The following EHBP1 variants were observed in gnomAD, a reference collection of about 807,000 sequenced individuals.
EHBP1 encodes EH domain-binding protein 1.
EHBP1 carries 55 observed loss-of-function variants against 144.0 expected under a neutral mutation model. The observed-to-expected ratio is 0.38, with a 90% CI of 0.31 to 0.48. EHBP1 has a LOEUF of 0.48. EHBP1 is among the 20% of genes least tolerant of loss of function. The pLI, the probability that EHBP1 is intolerant of heterozygous loss-of-function variation, is 0.98. For missense variants in EHBP1, 1,200 were observed against 1,364.2 expected (o/e 0.88, Z 1.90); for synonymous variants, 469 against 472.7 (o/e 0.99, Z 0.10).
chr2:62,908,859 T>C (rs1397290080), intron 10 of EHBP1, among the ~76,000 whole-genome samples: 1 of 152,172 alleles, frequency 6.6e-6, no homozygotes, highest in Non-Finnish European at 1.5e-5. Context: ...AAAAAATCTG[T>C]ATTCTCTAGT....
chr2:62,822,071 C>T (rs1394383988), intron 5 of EHBP1, among the ~76,000 whole-genome samples: 1 of 152,064 alleles, frequency 6.6e-6, no homozygotes, highest in Non-Finnish European at 1.5e-5. Context: ...AGGTCTTATT[C>T]ATTCATTCTA....
At chr2:62,952,650 A>G (rs1321408035) in intron 13 of EHBP1, among the ~76,000 whole-genome samples, 1 of 152,178 alleles carries the variant, frequency 6.6e-6, no homozygotes, top group Non-Finnish European at 1.5e-5. Context: ...TCTATATTAT[A>G]TGTGGGAAAT....
At chr2:62,880,542 A>G (rs1274274843) in intron 10 of EHBP1, among the ~76,000 whole-genome samples, 3 of 152,196 alleles carry the variant, frequency 2.0e-5, no homozygotes, top group African/African-American at 4.8e-5. Flanking sequence ...GGTAACTTAA[A>G]TTAACAAGCA....
intron 5 of EHBP1, among the ~76,000 whole-genome samples, chr2:62,803,864 A>C (rs925397293): frequency 6.6e-6 from 1 of 152,158 alleles, no homozygotes; most frequent in Non-Finnish European, 1.5e-5. Context: ...TGCCTGTGTT[A>C]AGATTTCAGT....
chr2:62,704,327 T>C (rs1380428808), upstream of EHBP1, among the ~76,000 whole-genome samples: 1 of 152,238 alleles, frequency 6.6e-6, no homozygotes, highest in Admixed American at 6.5e-5. Flanking sequence ...GCCTTATATC[T>C]GTCTCCCCAT....
chr2:62,952,940 C>T (rs1473775720), intron 13 of EHBP1, among the ~76,000 whole-genome samples: 8 of 152,028 alleles, frequency 5.3e-5, no homozygotes, highest in South Asian at 2.1e-4. Context: ...ATAATATGGC[C>T]GGGTACCATG....
chr2:62,991,759 C>A (rs138850844), intron 16 of EHBP1, among the ~76,000 whole-genome samples: 10 of 152,288 alleles, frequency 6.6e-5, no homozygotes, highest in African/African-American at 2.4e-4. Context: ...AACTTTTCAC[C>A]CACCTGCGGA....
At chr2:62,988,005 C>T in intron 15 of EHBP1, 1 of 1,607,228 alleles carries the variant, frequency 6.2e-7, no homozygotes, top group African/African-American at 1.3e-5. Flanking sequence ...TGGAGATGAA[C>T]TTACTAACTT....
At chr2:62,840,814 G>A (rs1436899917) in intron 7 of EHBP1, among the ~76,000 whole-genome samples, 1 of 151,860 alleles carries the variant, frequency 6.6e-6, no homozygotes, top group African/African-American at 2.4e-5. Flanking sequence ...CAGTTAGAAT[G>A]GCAATCATTA....
At chr2:62,688,884 C>T (rs1303526305) in intron 1 of EHBP1, among the ~76,000 whole-genome samples, 5 of 151,762 alleles carry the variant, frequency 3.3e-5, no homozygotes, top group African/African-American at 9.7e-5. Context: ...CCTTTTTGGT[C>T]GAGGAGTGAT....
intron 14 of EHBP1, among the ~76,000 whole-genome samples, chr2:62,964,024 G>A (rs1027744862): frequency 2.6e-5 from 4 of 152,072 alleles, no homozygotes; most frequent in African/African-American, 9.6e-5. Flanking sequence ...ACAAAGCAGC[G>A]GTTTTTATTC....
intron 3 of EHBP1, among the ~76,000 whole-genome samples, chr2:62,747,751 A>G (rs1344624512): frequency 6.6e-6 from 1 of 151,966 alleles, no homozygotes; most frequent in Non-Finnish European, 1.5e-5. Context: ...CCTTAAAAGT[A>G]ATAGCAAAAA....
At chr2:62,939,231 G>A (rs1240781368) in intron 10 of EHBP1, among the ~76,000 whole-genome samples, 2 of 152,158 alleles carry the variant, frequency 1.3e-5, no homozygotes, top group Non-Finnish European at 2.9e-5. Context: ...AGTGGATTCA[G>A]GAGTGCTGAA....
intron 5 of EHBP1, among the ~76,000 whole-genome samples, chr2:62,815,041 A>G (rs909030440): frequency 1.4e-4 from 22 of 152,198 alleles, no homozygotes; most frequent in African/African-American, 5.1e-4. Flanking sequence ...TAAAACAATA[A>G]TAGTAATAAC....
At chr2:62,934,993 A>G (rs1025380427) in intron 10 of EHBP1, among the ~76,000 whole-genome samples, 2 of 152,104 alleles carry the variant, frequency 1.3e-5, no homozygotes, top group African/African-American at 4.8e-5. Context: ...TGGAAAAATA[A>G]TTGATATCAT....
intron 2 of EHBP1, among the ~76,000 whole-genome samples, chr2:62,742,299 A>G (rs941725269): frequency 6.6e-6 from 1 of 152,138 alleles, no homozygotes; most frequent in African/African-American, 2.4e-5. Flanking sequence ...CATTTTATAT[A>G]AGGGACTTGA....
chr2:62,895,875 A>G (rs1196293178), intron 10 of EHBP1, among the ~76,000 whole-genome samples: 3 of 152,214 alleles, frequency 2.0e-5, no homozygotes, highest in Admixed American at 6.5e-5. Context: ...GCTTTGGGGC[A>G]GCTGGTTGGA....
chr2:63,009,441 G>A (rs1345677094), intron 19 of EHBP1, among the ~76,000 whole-genome samples: 1 of 151,602 alleles, frequency 6.6e-6, no homozygotes, highest in Non-Finnish European at 1.5e-5. Context: ...AGGAAGGAAT[G>A]GGGTATGGGT....
intron 10 of EHBP1, among the ~76,000 whole-genome samples, chr2:62,890,157 C>T (rs1263988480): frequency 2.0e-5 from 3 of 151,952 alleles, no homozygotes; most frequent in Non-Finnish European, 4.4e-5. Flanking sequence ...GACTGGGTCT[C>T]GATCTCCAGA....
Sources: allele counts gnomAD v4.1 joint callset (sites outside exome capture counted in the v4.1 genomes callset), GRCh38; gene constraint gnomAD v4.1.1; transcripts MANE v1.5; gene names NCBI Gene and HGNC (gene_info 2026-07-23, HGNC 2026-07-21).